Variants in DNAH11 observed in about 807,000 individuals in gnomAD.
DNAH11 encodes the protein dynein axonemal heavy chain 11, also known as axonemal beta dynein heavy chain 11.
A neutral mutation model predicts 526.0 loss-of-function variants in DNAH11; 442 were observed. The ratio of observed to expected loss-of-function variants is 0.84; its 90% CI spans 0.78 to 0.91. DNAH11 has a LOEUF of 0.91. Among genes scored for constraint, DNAH11 ranks in the 40% least tolerant of loss-of-function variants. DNAH11 has a pLI of 0.00. For synonymous variants in DNAH11, 2,461 were observed against 1,935.9 expected (o/e 1.27, Z -7.12); for missense variants, 6,989 against 5,448.7 (o/e 1.28, Z -8.90).
chr7:21,619,168 A>C lies in DNAH11; in HGVS notation c.4323A>C (p.Glu1441Asp). 1.9e-6 allele frequency: 3 copies of C among 1,613,570 alleles called. No homozygotes were observed. Among genetic ancestry groups the C allele is most frequent in the Non-Finnish European group, 2.5e-6 (3 of 1,179,676 alleles). ...DLLALRLHRV[E>D]DDVRRIVDKA... ...TAGCACTGCGGTTACACAGAGTGGA[A>C]GATGATGTCCGAAGGATTGTGGACA... Residue 1441 changes from glutamate to aspartate, a missense_variant, in exon 24 of 82, where the codon GAA becomes GAC. By Grantham distance (45) the Glu-to-Asp change is conservative (BLOSUM62 2). Coordinates refer to ENST00000409508, the MANE Select transcript of DNAH11 (RefSeq NM_001277115.2).
At chr7:21,666,842 G>A (rs979195888) in intron 30 of DNAH11, among the ~76,000 whole-genome samples, 1 of 151,144 alleles carries the variant, frequency 6.6e-6, no homozygotes, top group Non-Finnish European at 1.5e-5. Flanking sequence ...ATCATGAGTA[G>A]AGCACATACT....
At chr7:21,688,129 C>T (rs1310260343) in intron 34 of DNAH11, among the ~76,000 whole-genome samples, 1 of 152,148 alleles carries the variant, frequency 6.6e-6, no homozygotes, top group East Asian at 1.9e-4. Context: ...TCTTTCTTGA[C>T]CTCTGGCAGC....
At chr7:21,831,539 G>T (rs1781770371) in intron 65 of DNAH11, among the ~76,000 whole-genome samples, 1 of 152,144 alleles carries the variant, frequency 6.6e-6, no homozygotes. Context: ...AGAGCAAGAT[G>T]TAAAACCCAG....
rs776718319 is a variant in DNAH11 at position 21,872,123 on chromosome 7, C to CAAAAAAAAAAA, written c.11968-1135_11968-1125dup. 4.6e-3 allele frequency among the ~76,000 whole-genome samples: 143 copies of CAAAAAAAAAAA among 30,828 alleles called. 33 individuals are homozygous for CAAAAAAAAAAA. Among genetic ancestry groups the CAAAAAAAAAAA allele is most frequent in the Admixed American group, 7.9e-3 (12 of 1,522 alleles). The allele number at this position is 30,828 out of a possible 152,430, so 20.2% of individuals were successfully genotyped here. ...TGGGTGACAGAGCGAGACTCTGTCTCAAAAAAAAAAAAAAAAAAAAAAAAA... is the reference window on the plus strand; with the variant it reads ...TGGGTGACAGAGCGAGACTCTGTCTCAAAAAAAAAAAAAAAAAAAAAAAAAAAAAAAAAAAA... On this transcript the variant is annotated intron_variant, in intron 73 of 81. Transcript: ENST00000409508.
At chr7:21,754,300 A>G (rs993544464) in intron 54 of DNAH11, among the ~76,000 whole-genome samples, 1 of 152,174 alleles carries the variant, frequency 6.6e-6, no homozygotes, top group African/African-American at 2.4e-5. Flanking sequence ...TTCAGGATCT[A>G]TTGAGATATG....
Position 21,901,387 on chromosome 7 carries a change from T to C in DNAH11, c.*133T>C. 1 of 1,271,692 alleles carries C rather than the reference T, an allele frequency of 7.9e-7. No individual in the cohort carries two copies. The highest frequency in any genetic ancestry group is 2.4e-5 in the South Asian group (1 of 40,902). The allele number at this position is 1,271,692 out of a possible 1,614,324, so 78.8% of individuals were successfully genotyped here. A position where few individuals can be genotyped will look rare whatever the true frequency, so the allele number is the denominator to read the frequency against. The stretch of plus-strand genomic sequence containing the variant: ...GTGCATTCTTTTTTCAACGCTATCC[T>C]TAGAGTGAAAGTCAGAAAAAAATAC... On this transcript the variant is annotated 3_prime_UTR_variant, in exon 82 of 82. Transcript: ENST00000409508.
intron 63 of DNAH11, among the ~76,000 whole-genome samples, chr7:21,810,121 A>G (rs964829052): frequency 8.5e-5 from 13 of 152,224 alleles, no homozygotes; most frequent in Admixed American, 3.3e-4. Context: ...AAAGTGTAGC[A>G]TTTTATATGT....
At chr7:21,726,160 A>T (rs1032079619) in intron 45 of DNAH11, among the ~76,000 whole-genome samples, 176 bp downstream of exon 45, 3 of 152,186 alleles carry the variant, frequency 2.0e-5, no homozygotes, top group Non-Finnish European at 4.4e-5. Flanking sequence ...AGAAAATCAC[A>T]GGGGAAGGGG....
chr7:21,545,274 T>A lies in DNAH11; in HGVS notation c.495+125T>A, dbSNP rs867671217. The A allele has an allele frequency of 1.7e-3, 228 of 131,712 alleles. 6 individuals are homozygous for A. Among genetic ancestry groups the A allele is most frequent in the East Asian group, 3.9e-3 (10 of 2,534 alleles). 8.2% of individuals were successfully genotyped at this position (131,712 alleles called of 1,614,324 possible). A position where few individuals can be genotyped will look rare whatever the true frequency, so the allele number is the denominator to read the frequency against. Reference sequence around the variant, plus strand: ...GGGAAGGGAAGGGGATGGGGGTGGTTAAAAAAAAAAAAAAAAAAAAAAGCT... The same window carrying A: ...GGGAAGGGAAGGGGATGGGGGTGGTAAAAAAAAAAAAAAAAAAAAAAAGCT... On this transcript the variant is annotated intron_variant, in intron 2 of 81. Transcript: ENST00000409508.
At chr7:21,794,750 T>C (rs1021203052) in intron 61 of DNAH11, among the ~76,000 whole-genome samples, 10 of 152,018 alleles carry the variant, frequency 6.6e-5, no homozygotes, top group Middle Eastern at 3.4e-3. Context: ...CTTTCAGGGA[T>C]TTTTGTCTCT....
At chr7:21,876,163 G>A (rs964744047) in intron 74 of DNAH11, among the ~76,000 whole-genome samples, 12 of 152,136 alleles carry the variant, frequency 7.9e-5, no homozygotes, top group Admixed American at 2.0e-4. Context: ...GATTACAGGC[G>A]TGAGCCACCG....
chr7:21,602,904 A>T (rs1367112683), intron 18 of DNAH11, among the ~76,000 whole-genome samples: 1 of 152,136 alleles, frequency 6.6e-6, no homozygotes, highest in Non-Finnish European at 1.5e-5. Context: ...CTATTCGGAT[A>T]ACATATAAAA....
chr7:21,732,450 A>G (rs1213773277), intron 45 of DNAH11, among the ~76,000 whole-genome samples: 1 of 152,122 alleles, frequency 6.6e-6, no homozygotes, highest in Admixed American at 6.5e-5. Context: ...GCTTCACGAC[A>G]TGAATGTTGG....
At chr7:21,789,804 TCTTTTTTCTTTC>T (rs1222229183) in intron 61 of DNAH11, among the ~76,000 whole-genome samples, 15 of 73,178 alleles carry the variant, frequency 2.0e-4, no homozygotes, top group East Asian at 7.5e-4. Flanking sequence ...TTTCTTTCTT[TCTTTTTTCTTTC>T]TTTCTTTCTT....
intron 45 of DNAH11, among the ~76,000 whole-genome samples, chr7:21,726,716 C>T (rs1194787390): frequency 6.7e-6 from 1 of 150,154 alleles, no homozygotes; most frequent in Non-Finnish European, 1.5e-5. Context: ...AAAAAATTAG[C>T]CGGGTGTGGT....
At chr7:21,674,701 T>A in intron 30 of DNAH11, among the ~76,000 whole-genome samples, 1 of 152,096 alleles carries the variant, frequency 6.6e-6, no homozygotes. Context: ...CTTTTATGGC[T>A]GCTCAGTTTC....
chr7:21,854,018 G>A (rs539418971), intron 67 of DNAH11, among the ~76,000 whole-genome samples: 268 of 152,274 alleles, frequency 1.8e-3, no homozygotes, highest in Admixed American at 2.9e-3. Context: ...GAGAGGGGAG[G>A]CAGGAAGGTG....
At chr7:21,624,002 AAAG>A (rs1346966888) in intron 25 of DNAH11, among the ~76,000 whole-genome samples, 1 of 151,656 alleles carries the variant, frequency 6.6e-6, no homozygotes, top group African/African-American at 2.4e-5. Flanking sequence ...AAATAAAAAA[AAAG>A]AATCCACTTT....
intron 54 of DNAH11, among the ~76,000 whole-genome samples, chr7:21,761,294 C>T (rs753706535): frequency 1.1e-4 from 16 of 152,284 alleles, no homozygotes; most frequent in Non-Finnish European, 1.9e-4. Context: ...GCGTGACACT[C>T]CCCTTTCCCT....
Sources: gnomAD v4.1 joint callset for allele counts (sites outside exome capture counted in the v4.1 genomes callset) on GRCh38, gnomAD v4.1.1 for gene constraint, MANE v1.5 for transcripts, NCBI Gene and HGNC (gene_info 2026-07-23, HGNC 2026-07-21) for gene names.